Variants in ZNF430 observed in about 807,000 individuals in gnomAD.
ZNF430 encodes zinc finger protein 430.
In ZNF430, 35 loss-of-function variants were observed where a neutral mutation model predicts 56.7. The ratio of observed to expected loss-of-function variants is 0.62; its 90% confidence interval spans 0.47 to 0.82. The LOEUF (loss-of-function observed/expected upper bound fraction) is 0.82, where lower values mean the gene tolerates loss of function less well. Ranked by LOEUF, ZNF430 falls within the 40% of genes least tolerant of loss-of-function variation. The pLI, the probability that ZNF430 is intolerant of heterozygous loss-of-function variation, is 0.00. For missense variants in ZNF430, 574 were observed against 661.0 expected, an observed-to-expected ratio of 0.87 and a Z score of 1.44; for synonymous variants, 212 against 224.3, an observed-to-expected ratio of 0.94 and a Z score of 0.49.
intron 4 of ZNF430, among the ~76,000 whole-genome samples, chr19:21,050,145 A>G (rs1160275584): frequency 6.6e-6 from 1 of 151,894 alleles, no homozygotes; most frequent in Non-Finnish European, 1.5e-5. Context: ...CGGCCTCCCA[A>G]AGTGCTGGGA....
At chr19:21,056,590 G>A (rs1599510814) in intron 4 of ZNF430, 41 bp from the exon 5 acceptor site, 1 of 1,384,228 alleles carries the variant, frequency 7.2e-7, no homozygotes, top group Non-Finnish European at 9.7e-7. Flanking sequence ...ATTCATCTGA[G>A]TCTAGTAAAT....
intron 1 of ZNF430, among the ~76,000 whole-genome samples, chr19:21,021,042 C>G (rs532677592): frequency 2.1e-3 from 321 of 152,350 alleles, no homozygotes; most frequent in African/African-American, 6.8e-3. Context: ...GGAGCCCTCT[C>G]TGGGCAGCTC....
At chr19:21,026,189 CTT>C (rs774603493) in intron 2 of ZNF430, 54 of 148,858 alleles carry the variant, frequency 3.6e-4, no homozygotes, top group South Asian at 2.8e-3. Context: ...TAATCTCTGA[CTT>C]TTTTTTTTTT....
At chr19:21,021,165 G>A (rs2144743415) in intron 1 of ZNF430, among the ~76,000 whole-genome samples, 1 of 152,226 alleles carries the variant, frequency 6.6e-6, no homozygotes, top group Non-Finnish European at 1.5e-5. Context: ...TGAATGGGAA[G>A]AACTTTGGTC....
intron 4 of ZNF430, among the ~76,000 whole-genome samples, chr19:21,049,988 G>T (rs113106828): frequency 9.8e-5 from 2 of 20,318 alleles, no homozygotes; most frequent in South Asian, 1.9e-3. Flanking sequence ...GCGGTGGCTC[G>T]ATCTCAGCCT....
chr19:21,028,023 C>A (rs370069392), intron 2 of ZNF430, among the ~76,000 whole-genome samples: 1 of 152,168 alleles, frequency 6.6e-6, no homozygotes, highest in African/African-American at 2.4e-5. Context: ...TGATTGTACT[C>A]CACTTGCTGT....
intron 2 of ZNF430, among the ~76,000 whole-genome samples, chr19:21,024,901 GTA>G (rs1400094337): frequency 6.6e-6 from 1 of 152,142 alleles, no homozygotes; most frequent in Non-Finnish European, 1.5e-5. Context: ...AAATGGAGTT[GTA>G]TATTGGCTCA....
chr19:21,055,230 A>G (rs1169902280), intron 4 of ZNF430, among the ~76,000 whole-genome samples: 1 of 152,014 alleles, frequency 6.6e-6, no homozygotes, highest in Non-Finnish European at 1.5e-5. Context: ...TATTTTGTAT[A>G]CATTGTAATC....
intron 2 of ZNF430, among the ~76,000 whole-genome samples, chr19:21,030,986 C>T (rs1967892359): frequency 6.6e-6 from 1 of 152,036 alleles, no homozygotes; most frequent in Non-Finnish European, 1.5e-5. Context: ...GGGTTCAAGC[C>T]ATTCTTATGC....
intron 4 of ZNF430, among the ~76,000 whole-genome samples, chr19:21,046,059 T>G (rs1216536231): frequency 2.6e-5 from 4 of 152,162 alleles, no homozygotes; most frequent in Admixed American, 2.6e-4. Flanking sequence ...CGGTGGCTTA[T>G]GCCTGTAATC....
At position 21,057,808 on chromosome 19, in the gene ZNF430, T is replaced by C. The variant is rs1430304301; in HGVS notation, c.1500T>C (p.Leu500=). 7 of 1,613,940 alleles carry C rather than the reference T, an allele frequency of 4.3e-6. No individual in the cohort carries two copies. In the African/African-American group the frequency reaches 9.3e-5, roughly 22 times the overall value. ...CGKAFNQFSN[L]TKHKITHIGD... is the part of the protein sequence containing the mutation. ...AAGCTTTTAACCAATTCTCAAACCT[T>C]ACTAAACATAAGATAACTCATATTG... is the stretch of plus-strand genomic sequence containing the variant. Residue 500 remains leucine, a synonymous_variant, in exon 5 of 5, where the codon CTT becomes CTC. Transcript: ENST00000261560.
intron 3 of ZNF430, 47 bp downstream of exon 3, chr19:21,033,629 C>T (rs368373843): frequency 2.0e-6 from 3 of 1,493,716 alleles, no homozygotes; most frequent in African/African-American, 2.9e-5. Flanking sequence ...CTAAAGGTTT[C>T]ATTTCTCATT....
chr19:21,048,859 G>A (rs1968230805), intron 4 of ZNF430, among the ~76,000 whole-genome samples: 2 of 151,902 alleles, frequency 1.3e-5, no homozygotes, highest in Admixed American at 1.3e-4. Flanking sequence ...GGCAGGGGCT[G>A]CCCCCCACCT....
rs201098531 is a variant in ZNF430 at position 21,045,830 on chromosome 19, T to C, written c.323-10801T>C. On this transcript the variant is annotated intron_variant, in intron 4 of 4. Transcript: ENST00000261560. ...GATCTTTGTTGGTTTAAAGTCTATT[T>C]TGTCAGAAACTACAATTGCAACTCC... Among the ~76,000 whole-genome samples the C allele has an allele frequency of 3.9e-5, 6 of 152,332 alleles. No homozygotes were observed. In the East Asian group the frequency reaches 1.2e-3, roughly 29 times the overall value.
chr19:21,050,914 G>C (rs1968272682), intron 4 of ZNF430, among the ~76,000 whole-genome samples: 2 of 152,084 alleles, frequency 1.3e-5, no homozygotes, highest in Non-Finnish European at 2.9e-5. Flanking sequence ...TGTAGTCCTA[G>C]CTACTCGGGA....
chr19:21,021,947 C>T (rs1967697173), intron 1 of ZNF430, among the ~76,000 whole-genome samples: 1 of 149,796 alleles, frequency 6.7e-6, no homozygotes, highest in South Asian at 2.1e-4. Flanking sequence ...TCAAGCTTCT[C>T]CTGCCTCAGC....
In ZNF430 at chr19:21,057,562, A is replaced by G. The variant is rs755067915; in HGVS notation, c.1254A>G (p.Lys418=). 1 of 1,613,312 alleles carries G rather than the reference A, an allele frequency of 6.2e-7. No homozygotes were observed. Among genetic ancestry groups the G allele is most frequent in the African/African-American group, 1.3e-5 (1 of 74,900 alleles). ...TTAATTGGTCCTCGACCCTTACTAA[A>G]CATAAAAGAATTCATACTGGAGAGA... ...KGFNWSSTLT[K]HKRIHTGEKP... Residue 418 remains lysine, a synonymous_variant, in exon 5 of 5, where the codon AAA becomes AAG. Coordinates refer to ENST00000261560, the MANE Select transcript of ZNF430 (RefSeq NM_025189.4).
chr19:21,020,908 T>A (rs980376095), intron 1 of ZNF430, 105 bp downstream of exon 1: 1 of 1,512,226 alleles, frequency 6.6e-7, no homozygotes, highest in Non-Finnish European at 9.2e-7. Flanking sequence ...AGCTGCACAA[T>A]CTGCGCCCCG....
At chr19:21,037,393 C>T (rs1205299739) in intron 4 of ZNF430, among the ~76,000 whole-genome samples, 1 of 152,174 alleles carries the variant, frequency 6.6e-6, no homozygotes, top group Non-Finnish European at 1.5e-5. Flanking sequence ...GCTGGGATTA[C>T]AGGTGTGAGT....
Sources: gnomAD v4.1 joint callset for allele counts (sites outside exome capture counted in the v4.1 genomes callset) on GRCh38, gnomAD v4.1.1 for gene constraint, MANE v1.5 for transcripts, NCBI Gene and HGNC (gene_info 2026-07-23, HGNC 2026-07-21) for gene names.